Variants in MXI1 observed in about 807,000 individuals in gnomAD.
MXI1 encodes MAX interactor 1, dimerization protein, also known as max-interacting protein 1.
In MXI1, 18 loss-of-function variants were observed where a neutral mutation model predicts 36.9. The observed-to-expected ratio is 0.49, with a 90% confidence interval of 0.34 to 0.72. MXI1 has a LOEUF of 0.72. Among genes scored for constraint, MXI1 ranks in the 30% least tolerant of loss-of-function variants. The pLI, the probability that MXI1 is intolerant of heterozygous loss-of-function variation, is 0.01. For missense variants in MXI1, 304 were observed against 379.1 expected (o/e 0.80, Z 1.64); for synonymous variants, 160 against 146.7 (o/e 1.09, Z -0.65).
chr10:110,260,965 G>A (rs1856491371), intron 3 of MXI1: 1 of 983,218 alleles, frequency 1.0e-6, no homozygotes. Context: ...TGGTTTTGTG[G>A]TTGTAACTGT....
chr10:110,207,930 A>G lies in MXI1; in HGVS notation c.122A>G (p.Asp41Gly), dbSNP rs2134316451. Residue 41 changes from aspartate to glycine, a missense_variant, in exon 1 of 6, where the codon GAC becomes GGC. Physicochemically the swap from Asp to Gly is moderately conservative, Grantham distance 94. This residue lies in a region of MXI1 where 179 missense variants were observed against 184.8 expected (regional missense o/e 0.97). Transcript: ENST00000332674. ...AAPQPPALPEDPAGAKPRCPF... is the reference protein window; with the variant it reads ...AAPQPPALPEGPAGAKPRCPF... The stretch of plus-strand genomic sequence containing the variant: ...CCCCAGCCCCCGGCCCTGCCCGAGG[A>G]CCCCGCTGGGGCCAAGCCCAGGTGC... 1.3e-6 allele frequency: 2 copies of G among 1,538,334 alleles called. No individual in the cohort carries two copies. The highest frequency in any genetic ancestry group is 8.8e-7 in the Non-Finnish European group (1 of 1,142,596).
chr10:110,227,886 A>G, intron 1 of MXI1: 1 of 370,504 alleles, frequency 2.7e-6, no homozygotes, highest in Non-Finnish European at 5.0e-6. Flanking sequence ...GTGAATGGTA[A>G]CTGGTCACAA....
chr10:110,209,804 A>G (rs1179264311), intron 1 of MXI1, among the ~76,000 whole-genome samples: 1 of 152,060 alleles, frequency 6.6e-6, no homozygotes, highest in Non-Finnish European at 1.5e-5. Context: ...CGATTTCTTC[A>G]GCTACCCCCA....
Position 110,228,315 on chromosome 10 carries a change from C to T in MXI1, c.401C>T (p.Ala134Val), listed in dbSNP as rs752083696. 22 of 1,614,042 alleles carry T rather than the reference C, an allele frequency of 1.4e-5. No homozygotes were observed. In the South Asian group the frequency reaches 1.4e-4, roughly 10 times the overall value. The stretch of plus-strand genomic sequence containing the variant: ...AGCGGGAGCAGCAACACCAGCACTG[C>T]CAACAGGTAGCAAGCTGGGAACGCT... The part of the protein sequence containing the change: ...HSSGSSNTST[A>V]NRSTHNELEK... Residue 134 changes from alanine (A) to valine (V), a missense_variant, in exon 2 of 6, where the codon GCC (alanine) becomes GTC (valine). Ala to Val is a moderately conservative substitution (Grantham distance 64). Coordinates refer to ENST00000332674, the MANE Select transcript of MXI1 (RefSeq NM_130439.3).
At chr10:110,257,499 T>C (rs1856351387) in intron 3 of MXI1, 1 of 152,152 alleles carries the variant, frequency 6.6e-6, no homozygotes, top group African/African-American at 2.4e-5. Flanking sequence ...TTAGTAGAGA[T>C]GGGGTTTTGC....
At chr10:110,240,453 A>G (rs935397442) in intron 2 of MXI1, among the ~76,000 whole-genome samples, 3 of 152,100 alleles carry the variant, frequency 2.0e-5, no homozygotes, top group Admixed American at 2.0e-4. Context: ...AAGAAGCAAT[A>G]CATTTCTTAT....
intron 1 of MXI1, among the ~76,000 whole-genome samples, chr10:110,219,083 T>G (rs1344353457): frequency 6.6e-6 from 1 of 152,214 alleles, no homozygotes; most frequent in East Asian, 1.9e-4. Flanking sequence ...GTGGATCACC[T>G]GAGGTCAGGA....
intron 1 of MXI1, among the ~76,000 whole-genome samples, chr10:110,223,441 C>T (rs778883127): frequency 7.2e-5 from 11 of 151,936 alleles, no homozygotes; most frequent in Admixed American, 3.3e-4. Flanking sequence ...ATTAGCTGGG[C>T]GTGGTGGCAG....
intron 5 of MXI1, among the ~76,000 whole-genome samples, chr10:110,282,178 T>C (rs923368525): frequency 6.6e-6 from 1 of 152,216 alleles, no homozygotes; most frequent in African/African-American, 2.4e-5. Flanking sequence ...GTTTTACTAT[T>C]TTTTGATTAT....
intron 3 of MXI1, among the ~76,000 whole-genome samples, chr10:110,273,510 G>A (rs1177636250): frequency 6.6e-6 from 1 of 152,084 alleles, no homozygotes; most frequent in Non-Finnish European, 1.5e-5. Context: ...AGGGTTTTTT[G>A]GGGGGATAAA....
chr10:110,240,375 T>C (rs984403929), intron 2 of MXI1, among the ~76,000 whole-genome samples: 4 of 152,062 alleles, frequency 2.6e-5, no homozygotes, highest in Non-Finnish European at 5.9e-5. Flanking sequence ...TTGTTGTGCA[T>C]CCTGTTTAGA....
At chr10:110,284,748 T>A in intron 5 of MXI1, 76 bp from the exon 6 acceptor site, 3 of 1,308,520 alleles carry the variant, frequency 2.3e-6, no homozygotes, top group Middle Eastern at 2.1e-4. Context: ...ATACCTCTTT[T>A]CCTCATGCTG....
chr10:110,258,574 G>T (rs1216273989), intron 3 of MXI1, among the ~76,000 whole-genome samples: 2 of 152,058 alleles, frequency 1.3e-5, no homozygotes, highest in African/African-American at 4.8e-5. Flanking sequence ...GCAAGTAAAT[G>T]AATATTTTAA....
intron 3 of MXI1, among the ~76,000 whole-genome samples, chr10:110,265,572 A>G (rs1856652672): frequency 6.6e-6 from 1 of 152,222 alleles, no homozygotes; most frequent in Non-Finnish European, 1.5e-5. Context: ...TTACAAATCA[A>G]CTGACAAGCA....
At chr10:110,231,205 A>G (rs974202408) in intron 2 of MXI1, among the ~76,000 whole-genome samples, 2 of 152,122 alleles carry the variant, frequency 1.3e-5, no homozygotes, top group Admixed American at 1.3e-4. Context: ...TGTCTCTACT[A>G]AAAATACAGA....
At chr10:110,243,155 G>A (rs1378756965) in intron 2 of MXI1, among the ~76,000 whole-genome samples, 1 of 151,912 alleles carries the variant, frequency 6.6e-6, no homozygotes, top group Non-Finnish European at 1.5e-5. Context: ...GGTGATAAAG[G>A]CACACTGTGG....
At chr10:110,210,571 C>T (rs958059931) in intron 1 of MXI1, among the ~76,000 whole-genome samples, 2 of 152,148 alleles carry the variant, frequency 1.3e-5, no homozygotes, top group Admixed American at 1.3e-4. Flanking sequence ...CTCCGTGCGA[C>T]CATCCGCCAG....
chr10:110,279,412 A>T, intron 4 of MXI1, 118 bp downstream of exon 4: 1 of 797,494 alleles, frequency 1.3e-6, no homozygotes, highest in South Asian at 1.7e-5. Context: ...AACTGACCTC[A>T]AGAGAAGTCT....
intron 3 of MXI1, among the ~76,000 whole-genome samples, chr10:110,264,760 T>C (rs1018293862): frequency 2.0e-5 from 3 of 152,214 alleles, no homozygotes; most frequent in Admixed American, 6.5e-5. Flanking sequence ...CTGTTAACTT[T>C]ATCATATTAT....
Sources: allele counts gnomAD v4.1 joint callset (sites outside exome capture counted in the v4.1 genomes callset), GRCh38; gene constraint gnomAD v4.1.1; regional missense constraint gnomAD v4.1.1; transcripts MANE v1.5; gene names NCBI Gene and HGNC (gene_info 2026-07-23, HGNC 2026-07-21).